The following APCDD1L variants were observed in gnomAD, a reference collection of about 807,000 sequenced individuals.
APCDD1L encodes APC down-regulated 1 like.
APCDD1L carries 21 observed loss-of-function variants against 24.2 expected under a neutral mutation model. That is an observed-to-expected ratio of 0.87 (90% CI 0.61 to 1.25). The LOEUF (loss-of-function observed/expected upper bound fraction) is 1.25, where lower values mean the gene tolerates loss of function less well. Among genes scored for constraint, APCDD1L ranks in the 50% most tolerant of loss-of-function variants. The pLI is 0.00. For synonymous variants in APCDD1L, 321 were observed against 323.6 expected, an observed-to-expected ratio of 0.99 and a Z score of 0.09; for missense variants, 704 against 711.7, an observed-to-expected ratio of 0.99 and a Z score of 0.12.
intron 1 of APCDD1L, among the ~76,000 whole-genome samples, chr20:58,509,181 A>C (rs1990581101): frequency 6.6e-6 from 1 of 152,078 alleles, no homozygotes; most frequent in South Asian, 2.1e-4. Context: ...GCCTATGTGG[A>C]GGCCAAGCCA....
chr20:58,480,612 G>A (rs145326323), intron 1 of APCDD1L, among the ~76,000 whole-genome samples: 7 of 152,276 alleles, frequency 4.6e-5, no homozygotes, highest in Admixed American at 1.3e-4. Flanking sequence ...ATAACTCCCC[G>A]AGGCCTCTGC....
In APCDD1L at chr20:58,497,646, G is replaced by C. The variant is rs2123180398; in HGVS notation, c.49+17013C>G. ...AGGATACTAGTCATGCTGGATGAGG[G>C]CCCACCTGAATGGCCTCATTTTAAC... On this transcript the variant is annotated intron_variant, in intron 1 of 3. Coordinates refer to ENST00000371149, the MANE Select transcript of APCDD1L (RefSeq NM_153360.3). This position sits in a 1 kb window ranked among gnomAD's most constrained non-coding sequence, Gnocchi z 4.3. Among the ~76,000 whole-genome samples the C allele has an allele frequency of 6.6e-6, 1 of 152,262 alleles. No individual in the cohort carries two copies. Among genetic ancestry groups the C allele is most frequent in the Non-Finnish European group, 1.5e-5 (1 of 68,016 alleles).
At chr20:58,474,672 C>T (rs542276703) in intron 1 of APCDD1L, among the ~76,000 whole-genome samples, 1 of 152,178 alleles carries the variant, frequency 6.6e-6, no homozygotes, top group East Asian at 1.9e-4. Context: ...TCATTGCACT[C>T]CAGACTGGGT....
At chr20:58,510,722 A>G (rs936111976) in intron 1 of APCDD1L, among the ~76,000 whole-genome samples, 2 of 152,212 alleles carry the variant, frequency 1.3e-5, no homozygotes, top group Admixed American at 6.5e-5. Flanking sequence ...TGATGGTAGC[A>G]CTGGCAGCAG....
chr20:58,495,257 C>T (rs75010117), intron 1 of APCDD1L, among the ~76,000 whole-genome samples: 6,659 of 152,264 alleles, frequency 0.044, 195 homozygotes, highest in African/African-American at 0.074. Context: ...TGAAAATACA[C>T]GGCCCCTTGT....
Position 58,460,898 on chromosome 20 carries a change from C to G in APCDD1L, c.1398G>C (p.Pro466=), listed in dbSNP as rs771093369. 6.2e-7 allele frequency: 1 copy of G among 1,608,016 alleles called. No homozygotes were observed. Among genetic ancestry groups the G allele is most frequent in the African/African-American group, 1.3e-5 (1 of 74,774 alleles). ...HGEAPDFSRP[P]QHRPSLQKHP... is the part of the protein sequence containing the mutation. ...GCTTCTGCAGCGATGGCCTGTGCTG[C>G]GGTGGCCTGGAGAAGTCGGGGGCCT... The change falls in exon 4 of 4, where the codon CCG becomes CCC. Residue 466 remains proline (P), a synonymous_variant. Coordinates refer to ENST00000371149, the MANE Select transcript of APCDD1L (RefSeq NM_153360.3). The surrounding 1 kb of genome is among the most constrained non-coding windows in gnomAD (Gnocchi z 4.2).
At chr20:58,478,067 A>C (rs1989946077) in intron 1 of APCDD1L, among the ~76,000 whole-genome samples, 1 of 152,128 alleles carries the variant, frequency 6.6e-6, no homozygotes, top group African/African-American at 2.4e-5. Flanking sequence ...ATCATTATTT[A>C]TTTTGTTGCT....
rs927407250 is a variant in APCDD1L, at chr20:58,515,132, G to A, written c.-425C>T. Reference sequence around the variant, plus strand: ...CAAGGCAGAGCGATGCGCTCCTTGCGTCAAAGCGCACCCCTAGCCAGGCCG... The same window carrying A: ...CAAGGCAGAGCGATGCGCTCCTTGCATCAAAGCGCACCCCTAGCCAGGCCG... On this transcript the variant is annotated 5_prime_UTR_variant, in exon 1 of 4. The change creates a new upstream start codon in the 5' untranslated region. Coordinates refer to ENST00000371149, the MANE Select transcript of APCDD1L (RefSeq NM_153360.3). 6 of 180,308 alleles carry A rather than the reference G, an allele frequency of 3.3e-5. No homozygotes were observed. Among genetic ancestry groups the A allele is most frequent in the Admixed American group, 6.3e-5 (1 of 15,956 alleles). The allele number at this position is 180,308 out of a possible 1,614,324, so 11.2% of individuals were successfully genotyped here.
chr20:58,482,226 T>TACATGATGTTTCGGAAAACCC (rs1990037740), intron 1 of APCDD1L, among the ~76,000 whole-genome samples: 1 of 152,244 alleles, frequency 6.6e-6, no homozygotes, highest in Admixed American at 6.5e-5. Context: ...TGGGAAAACC[T>TACATGATGTTTCGGAAAACCC]ACATCATGTT....
At chr20:58,466,659 AAAC>A (rs1989711208) in intron 3 of APCDD1L, among the ~76,000 whole-genome samples, 1 of 152,226 alleles carries the variant, frequency 6.6e-6, no homozygotes, top group South Asian at 2.1e-4. Flanking sequence ...GAGAGGCAAT[AAAC>A]AAGTCACCAA....
chr20:58,512,683 T>C lies in APCDD1L; in HGVS notation c.49+1976A>G, dbSNP rs112892951. On this transcript the variant is annotated intron_variant, in intron 1 of 3. Coordinates refer to ENST00000371149, the MANE Select transcript of APCDD1L (RefSeq NM_153360.3). ...GCCCAGCTCAGGCACCTAAATTATG[T>C]CAGTAGCTGAAGGATTAACTGGGTC... Among the ~76,000 whole-genome samples, 322 of 152,234 alleles carry C rather than the reference T, an allele frequency of 2.1e-3. 1 individual carries two copies. Among genetic ancestry groups the C allele is most frequent in the African/African-American group, 7.6e-3 (317 of 41,536 alleles).
chr20:58,463,796 C>T (rs1256754274), intron 3 of APCDD1L, among the ~76,000 whole-genome samples: 1 of 150,134 alleles, frequency 6.7e-6, no homozygotes, highest in Admixed American at 6.7e-5. Flanking sequence ...CAAAAGACTT[C>T]CACACAGCAC....
intron 1 of APCDD1L, among the ~76,000 whole-genome samples, chr20:58,487,135 A>G (rs1312577535): frequency 6.6e-6 from 1 of 152,122 alleles, no homozygotes; most frequent in African/African-American, 2.4e-5. Flanking sequence ...GTAATTCTTT[A>G]AATAAAGAAA....
In APCDD1L at chr20:58,471,763, C is replaced by A. The variant is rs148225008; in HGVS notation, c.50-1016G>T. 1.9e-3 allele frequency among the ~76,000 whole-genome samples: 289 copies of A among 152,348 alleles called. 9 individuals carry two copies. In the South Asian group the frequency reaches 0.031, roughly 16 times the overall value. On this transcript the variant is annotated intron_variant, in intron 1 of 3. Coordinates refer to ENST00000371149, the MANE Select transcript of APCDD1L (RefSeq NM_153360.3). ...CTGTGGGAAGCTCGGCAGTGAGCTG[C>A]GTCCAAATACTCCAGCCACGGGCTG...
rs1055039872 is a variant in APCDD1L, at chr20:58,494,907, C to A, written c.49+19752G>T. Among the ~76,000 whole-genome samples the A allele has an allele frequency of 6.6e-6, 1 of 152,168 alleles. No homozygotes were observed. Among genetic ancestry groups the A allele is most frequent in the African/African-American group, 2.4e-5 (1 of 41,432 alleles). Reference sequence around the variant, plus strand: ...TCTGCCAGGAATGCTCTTTTTGGGCCTTCTGGCTCATTCTCCTCCTTCAGC... The same window carrying A: ...TCTGCCAGGAATGCTCTTTTTGGGCATTCTGGCTCATTCTCCTCCTTCAGC... On this transcript the variant is annotated intron_variant, in intron 1 of 3. Coordinates refer to ENST00000371149, the MANE Select transcript of APCDD1L (RefSeq NM_153360.3). This position sits in a 1 kb window ranked among gnomAD's most constrained non-coding sequence, Gnocchi z 4.8.
In APCDD1L at chr20:58,497,188, G is replaced by C. The variant is rs2123179691; in HGVS notation, c.49+17471C>G. On this transcript the variant is annotated intron_variant, in intron 1 of 3. Transcript: ENST00000371149. The surrounding 1 kb of genome is among the most constrained non-coding windows in gnomAD (Gnocchi z 4.3). ...GGCGGGAGTATGGGAGCTGGTGAAA[G>C]GGGCCTCCTGGGGGTGAGGGGGCAT... is the stretch of plus-strand genomic sequence containing the variant. 6.6e-6 allele frequency among the ~76,000 whole-genome samples: 1 copy of C among 151,862 alleles called. No individual in the cohort carries two copies. The highest frequency in any genetic ancestry group is 2.1e-4 in the South Asian group (1 of 4,802).
chr20:58,486,302 C>CA (rs1568744161), intron 1 of APCDD1L, among the ~76,000 whole-genome samples: 2 of 151,884 alleles, frequency 1.3e-5, no homozygotes, highest in African/African-American at 4.8e-5. Flanking sequence ...CTTTGAGAAA[C>CA]AAAAATAACG....
chr20:58,505,365 C>T (rs1054247047), intron 1 of APCDD1L, among the ~76,000 whole-genome samples: 9 of 152,146 alleles, frequency 5.9e-5, no homozygotes, highest in African/African-American at 1.7e-4. Context: ...GTGCCTGGCT[C>T]ATTGTGTTTC....
intron 3 of APCDD1L, among the ~76,000 whole-genome samples, chr20:58,466,638 A>G (rs1989710490): frequency 6.6e-6 from 1 of 152,226 alleles, no homozygotes. Flanking sequence ...TGAAGGACCT[A>G]GCGCCAGAGG....
Sources: gnomAD v4.1 joint callset for allele counts (sites outside exome capture counted in the v4.1 genomes callset) on GRCh38, gnomAD v4.1.1 for gene constraint, Gnocchi (gnomAD v3.1) non-coding constraint, MANE v1.5 for transcripts, NCBI Gene and HGNC (gene_info 2026-07-23, HGNC 2026-07-21) for gene names.